The following CLN3 variants were observed in gnomAD, a reference collection of about 807,000 sequenced individuals.
CLN3 encodes the protein battenin.
A neutral mutation model predicts 60.7 loss-of-function variants in CLN3; 49 were observed. The observed-to-expected ratio is 0.81, with a 90% CI of 0.64 to 1.02. The LOEUF is 1.02. Ranked by LOEUF, CLN3 falls within the 50% of genes least tolerant of loss-of-function variation. The pLI is 0.00. For missense variants in CLN3, 516 were observed against 557.4 expected, an observed-to-expected ratio of 0.93 and a Z score of 0.75; for synonymous variants, 256 against 245.8, an observed-to-expected ratio of 1.04 and a Z score of -0.39.
At chr16:28,487,243 CTCCA>C in intron 7 of CLN3, 1 of 631,500 alleles carries the variant, frequency 1.6e-6, no homozygotes, top group Non-Finnish European at 2.9e-6. Flanking sequence ...TCACCTCAAT[CTCCA>C]TCTAATTCAT....
At position 28,481,436 on chromosome 16, in the gene CLN3, ACACACACACACACACACG is replaced by A. The variant is rs1051983822; in HGVS notation, c.1056+651_1056+668del. Among the ~76,000 whole-genome samples, 8 of 132,378 alleles carry A rather than the reference ACACACACACACACACACG, an allele frequency of 6.0e-5. No homozygotes were observed. The East Asian group carries it at 1.0e-3, about 17-fold the overall frequency. The allele number at this position is 132,378 out of a possible 152,430, so 86.8% of individuals were successfully genotyped here. On this transcript the variant is annotated intron_variant, in intron 14 of 15. Coordinates refer to ENST00000636147, the MANE Select transcript of CLN3 (RefSeq NM_001042432.2). ...GCTTAAAACACACACACACACACACACACACACACACACACACGCACACACACACACACACACACTACA... is the reference window on the plus strand; with the variant it reads ...GCTTAAAACACACACACACACACACACACACACACACACACACACACTACA...
Position 28,481,966 on chromosome 16 carries a change from G to A in CLN3, c.1056+139C>T, listed in dbSNP as rs529545545. 3.1e-4 allele frequency: 194 copies of A among 629,676 alleles called. 1 individual carries two copies. In the South Asian group the frequency reaches 3.5e-3, roughly 12 times the overall value. The allele number at this position is 629,676 out of a possible 1,614,324, so 39.0% of individuals were successfully genotyped here. On this transcript the variant is annotated intron_variant, in intron 14 of 15. Transcript: ENST00000636147. The stretch of plus-strand genomic sequence containing the variant: ...TGCGCTACTGCACTCCAGCCTGGAC[G>A]ACAGAGCGAGACTCTGTCTCAAAAA...
intron 7 of CLN3, 132 bp downstream of exon 7, chr16:28,487,324 T>C: frequency 7.7e-6 from 6 of 778,504 alleles, no homozygotes; most frequent in Non-Finnish European, 1.1e-5. Flanking sequence ...CGCCTACTGC[T>C]GATAGCCCTA....
chr16:28,473,318 TG>T (rs1164298219), downstream of CLN3, among the ~76,000 whole-genome samples: 1 of 152,156 alleles, frequency 6.6e-6, no homozygotes, highest in Non-Finnish European at 1.5e-5. Context: ...CTTGAACTCC[TG>T]GCCCAAGTTG....
In CLN3 at chr16:28,482,761, C is replaced by T; in HGVS notation, c.791-89G>A. On this transcript the variant is annotated intron_variant, in intron 10 of 15. Transcript: ENST00000636147. The stretch of plus-strand genomic sequence containing the variant: ...ACCGGTATGACAGAATTAACCAGAC[C>T]ACGCAACAGTGGGAACTCACTTCCA... 4 of 1,389,616 alleles carry T rather than the reference C, an allele frequency of 2.9e-6. No homozygotes were observed. The South Asian group carries it at 4.7e-5, about 16-fold the overall frequency. The allele number at this position is 1,389,616 out of a possible 1,614,324, so 86.1% of individuals were successfully genotyped here.
At chr16:28,472,652 C>A (rs867976124), downstream of CLN3, among the ~76,000 whole-genome samples, 27 of 150,148 alleles carry the variant, frequency 1.8e-4, no homozygotes, top group Middle Eastern at 7.5e-3. Context: ...GCCAGCCTGG[C>A]CAACACGGTG....
In CLN3 at chr16:28,483,713, CTTTTT is replaced by C. The variant is rs755660742; in HGVS notation, c.790+288_790+292del. ...CTCCCTCCCTTCCTTCCTTTCTTTTCTTTTTTTTTTTTTTTTTTTTTTTTTTGCGA... is the reference window on the plus strand; with the variant it reads ...CTCCCTCCCTTCCTTCCTTTCTTTTCTTTTTTTTTTTTTTTTTTTTTGCGA... On this transcript the variant is annotated intron_variant, in intron 10 of 15. Transcript: ENST00000636147. 0.032 allele frequency among the ~76,000 whole-genome samples: 3,202 copies of C among 99,872 alleles called. 27 individuals carry two copies. The highest frequency in any genetic ancestry group is 0.1 in the East Asian group (288 of 2,808). The allele number at this position is 99,872 out of a possible 152,430, so 65.5% of individuals were successfully genotyped here.
Position 28,482,085 on chromosome 16 carries a change from G to A in CLN3, c.1056+20C>T. 1.3e-6 allele frequency: 2 copies of A among 1,596,786 alleles called. No homozygotes were observed. The highest frequency in any genetic ancestry group is 1.7e-6 in the Non-Finnish European group (2 of 1,167,964). On this transcript the variant is annotated intron_variant, in intron 14 of 15. Coordinates refer to ENST00000636147, the MANE Select transcript of CLN3 (RefSeq NM_001042432.2). ...CTGGGAGCCAAGGTGGGAGTGAAGT[G>A]AGGGGCAGGGGTTTGGTACCTGCAG...
In CLN3 at chr16:28,488,621, T is replaced by G. The variant is rs751321507; in HGVS notation, c.264A>C (p.Ser88=). 6.8e-6 allele frequency: 11 copies of G among 1,613,978 alleles called. No individual in the cohort carries two copies. The African/African-American group carries it at 1.1e-4, about 16-fold the overall frequency. Residue 88 remains serine (S), a synonymous_variant, in exon 5 of 16, where the codon TCA becomes TCC. Coordinates refer to ENST00000636147, the MANE Select transcript of CLN3 (RefSeq NM_001042432.2). ...GPTPIPHNSS[S]RFDCNSVSTA... is the part of the protein sequence containing the mutation. Reference sequence around the variant, plus strand: ...TAGAGACAGAGTTGCAGTCAAATCGTGATGAGCTGTTGTGGGGGATCGGCG... The same window carrying G: ...TAGAGACAGAGTTGCAGTCAAATCGGGATGAGCTGTTGTGGGGGATCGGCG...
downstream of CLN3, among the ~76,000 whole-genome samples, chr16:28,473,713 A>G (rs914668140): frequency 6.6e-6 from 1 of 152,240 alleles, no homozygotes; most frequent in South Asian, 2.1e-4. Flanking sequence ...GAATATATGA[A>G]GAAATCTTAC....
intron 14 of CLN3, among the ~76,000 whole-genome samples, chr16:28,478,739 G>A (rs1250853387): frequency 2.0e-5 from 3 of 152,022 alleles, no homozygotes; most frequent in Non-Finnish European, 4.4e-5. Flanking sequence ...TGCATGGTGA[G>A]GGCTGTCCTG....
At chr16:28,489,247 C>T (rs2046272058) in intron 4 of CLN3, 43 bp downstream of exon 4, 1 of 1,492,920 alleles carries the variant, frequency 6.7e-7, no homozygotes, top group Non-Finnish European at 9.3e-7. Flanking sequence ...CCTCATCTTC[C>T]CACAGGGACT....
chr16:28,486,677 GT>G, intron 7 of CLN3, 27 bp from the exon 8 acceptor site: 1 of 1,589,460 alleles, frequency 6.3e-7, no homozygotes, highest in Non-Finnish European at 8.6e-7. Context: ...CACTGGGATG[GT>G]CACACCACAC....
In CLN3 at chr16:28,487,585, C is replaced by T. The variant is rs183027483; in HGVS notation, c.375-44G>A. 1.8e-5 allele frequency: 29 copies of T among 1,597,438 alleles called. No individual in the cohort carries two copies. In the African/African-American group the frequency reaches 3.3e-4, roughly 18 times the overall value. ...AAGGGAGGGGGAAGGTCGGTCTCTA[C>T]TCTCAGCATCTCAGCCATCCCAGCC... On this transcript the variant is annotated intron_variant, in intron 6 of 15. Coordinates refer to ENST00000636147, the MANE Select transcript of CLN3 (RefSeq NM_001042432.2).
rs376421578 is a variant in CLN3 at position 28,488,595 on chromosome 16, G to A, written c.290C>T (p.Thr97Met). 1.5e-5 allele frequency: 24 copies of A among 1,614,030 alleles called. No individual in the cohort carries two copies. Among genetic ancestry groups the A allele is most frequent in the African/African-American group, 1.1e-4 (8 of 74,946 alleles). Residue 97 changes from threonine (T) to methionine (M), a missense_variant, in exon 5 of 16, where the codon ACG becomes ATG. Physicochemically the swap from Thr to Met is moderately conservative, Grantham distance 81 (BLOSUM62 -1). Transcript: ENST00000636147. ...SSRFDCNSVSTAAVLLADILP... is the reference protein window; with the variant it reads ...SSRFDCNSVSMAAVLLADILP... ...CCAGGTGAGATGAGTACGCACAGCC[G>A]TAGAGACAGAGTTGCAGTCAAATCG...
In CLN3 at chr16:28,482,692, G is replaced by A. The variant is rs1168836897; in HGVS notation, c.791-20C>T. Reference sequence around the variant, plus strand: ...TGGAGCCTGCAGGGGAACAGAGAGAGAAGGGCAGATGAAGTTTTCACACTG... The same window carrying A: ...TGGAGCCTGCAGGGGAACAGAGAGAAAAGGGCAGATGAAGTTTTCACACTG... On this transcript the variant is annotated intron_variant, in intron 10 of 15. Transcript: ENST00000636147. 1 of 1,613,986 alleles carries A rather than the reference G, an allele frequency of 6.2e-7. No individual in the cohort carries two copies. The highest frequency in any genetic ancestry group is 2.2e-5 in the East Asian group (1 of 44,892).
At chr16:28,491,985 C>G in intron 1 of CLN3, 35 bp downstream of exon 1, 4 of 627,394 alleles carry the variant, frequency 6.4e-6, no homozygotes, top group South Asian at 5.5e-5. Context: ...TACTCTCCCC[C>G]GCCCCGTCTA....
chr16:28,488,041 T>TAC, intron 5 of CLN3: 1 of 267,204 alleles, frequency 3.7e-6, no homozygotes, highest in Non-Finnish European at 7.2e-6. Context: ...ACTCAGAAAC[T>TAC]ATATATATAT....
At chr16:28,481,452 A>ACG (rs1555468007) in intron 14 of CLN3, among the ~76,000 whole-genome samples, 7 of 117,816 alleles carry the variant, frequency 5.9e-5, no homozygotes, top group South Asian at 2.8e-4. Flanking sequence ...ACACACACAC[A>ACG]CGCACACACA....
Sources: gnomAD v4.1 joint callset for allele counts (sites outside exome capture counted in the v4.1 genomes callset) on GRCh38, gnomAD v4.1.1 for gene constraint, MANE v1.5 for transcripts, NCBI Gene and HGNC (gene_info 2026-07-23, HGNC 2026-07-21) for gene names.